DCC: variants seen among roughly 807,000 people sequenced by gnomAD.
The protein encoded by DCC is netrin receptor DCC.
Under a neutral mutation model 172.5 loss-of-function variants are expected in DCC, and 58 were observed. The observed-to-expected ratio is 0.34, with a 90% CI of 0.27 to 0.42. The LOEUF is 0.42. Among genes scored for constraint, DCC ranks in the 10% least tolerant of loss-of-function variants. The pLI is 1.00. For synonymous variants in DCC, 709 were observed against 644.5 expected (o/e 1.10, Z -1.52); for missense variants, 1,740 against 1,791.0 (o/e 0.97, Z 0.51).
chr18:53,469,496 TATATC>T (rs770632573), intron 25 of DCC, among the ~76,000 whole-genome samples: 24 of 152,316 alleles, frequency 1.6e-4, no homozygotes, highest in Non-Finnish European at 2.9e-4. Flanking sequence ...CTAATAATCT[TATATC>T]AGGAAGAAAA....
At chr18:53,237,811 C>G (rs1456196322) in intron 12 of DCC, among the ~76,000 whole-genome samples, 2 of 152,074 alleles carry the variant, frequency 1.3e-5, no homozygotes. Flanking sequence ...AAATGTCTGA[C>G]AAACCGAGCT....
At chr18:52,844,336 A>ACAGG (rs1302832344) in intron 2 of DCC, among the ~76,000 whole-genome samples, 12 of 151,908 alleles carry the variant, frequency 7.9e-5, no homozygotes, top group Non-Finnish European at 1.5e-4. Context: ...AGACAGACAG[A>ACAGG]CAGATAGATA....
chr18:53,468,342 T>TTTTATTTATTTATTTATTTATTTATTTA lies in DCC; in HGVS notation c.3736+355_3736+356insATTTATTTATTTATTTATTTATTTATTT, dbSNP rs60585459. 8.5e-4 allele frequency among the ~76,000 whole-genome samples: 111 copies of TTTTATTTATTTATTTATTTATTTATTTA among 130,994 alleles called. 1 individual carries two copies. Among genetic ancestry groups the TTTTATTTATTTATTTATTTATTTATTTA allele is most frequent in the African/African-American group, 2.6e-3 (79 of 30,720 alleles). The allele number at this position is 130,994 out of a possible 152,430, so 85.9% of individuals were successfully genotyped here. A position where few individuals can be genotyped will look rare whatever the true frequency, so the allele number is the denominator to read the frequency against. ...TCTAATAATCATCTCCATAGTTTAT[T>TTTTATTTATTTATTTATTTATTTATTTA]TTTATTTATTTATTTATTTATTTTA... On this transcript the variant is annotated intron_variant, in intron 25 of 28. Transcript: ENST00000442544.
intron 1 of DCC, among the ~76,000 whole-genome samples, chr18:52,538,243 C>T (rs1052319041): frequency 2.0e-5 from 3 of 152,148 alleles, no homozygotes; most frequent in Non-Finnish European, 4.4e-5. Context: ...CTTTCTGCTG[C>T]CTTTCTGCCT....
chr18:53,076,169 A>G (rs1272552288), intron 7 of DCC, among the ~76,000 whole-genome samples: 9 of 152,154 alleles, frequency 5.9e-5, no homozygotes, highest in African/African-American at 2.2e-4. Flanking sequence ...GACGTATGAT[A>G]CAACAAGGCA....
intron 1 of DCC, among the ~76,000 whole-genome samples, chr18:52,597,529 A>G (rs1443524254): frequency 6.6e-6 from 1 of 152,122 alleles, no homozygotes; most frequent in Non-Finnish European, 1.5e-5. Flanking sequence ...TTTCTGTTCA[A>G]CCTTCCTTTT....
At chr18:53,446,305 A>G (rs1468394006) in intron 22 of DCC, among the ~76,000 whole-genome samples, 1 of 151,990 alleles carries the variant, frequency 6.6e-6, no homozygotes, top group East Asian at 1.9e-4. Context: ...AAAAAAACAC[A>G]TTGAGCCACA....
At chr18:52,700,371 GCACA>G (rs2036102306) in intron 1 of DCC, among the ~76,000 whole-genome samples, 5 of 141,040 alleles carry the variant, frequency 3.5e-5, no homozygotes, top group Admixed American at 2.1e-4. Flanking sequence ...ACACACACAT[GCACA>G]CACATGCACA....
intron 5 of DCC, among the ~76,000 whole-genome samples, chr18:52,927,148 T>TATATACAC (rs1568192205): frequency 2.5e-5 from 1 of 40,696 alleles, no homozygotes. Context: ...TGTATATATG[T>TATATACAC]GTATATATAC....
chr18:53,137,803 TAAGC>T lies in DCC; in HGVS notation c.1262-19549_1262-19546del, dbSNP rs757461245. On this transcript the variant is annotated intron_variant, in intron 7 of 28. Transcript: ENST00000442544. The stretch of plus-strand genomic sequence containing the variant: ...TAGCAGAATGTCATTCAATTTTAAA[TAAGC>T]AAGAATAATATTACTATTTTTTTTT... 3.2e-4 allele frequency among the ~76,000 whole-genome samples: 48 copies of T among 152,210 alleles called. No individual in the cohort carries two copies. In the South Asian group the frequency reaches 5.0e-3, roughly 16 times the overall value.
chr18:53,053,250 G>A (rs1247844946), intron 5 of DCC, among the ~76,000 whole-genome samples: 1 of 152,126 alleles, frequency 6.6e-6, no homozygotes, highest in East Asian at 1.9e-4. Flanking sequence ...CGGTGTTAGT[G>A]AGAATTCTTA....
At chr18:52,742,571 C>T (rs182471504) in intron 1 of DCC, among the ~76,000 whole-genome samples, 76 of 152,230 alleles carry the variant, frequency 5.0e-4, no homozygotes, top group Non-Finnish European at 9.8e-4. Flanking sequence ...TCTTTTACAC[C>T]ACTGCTAAGC....
chr18:52,872,083 G>A (rs1437840253), intron 2 of DCC, among the ~76,000 whole-genome samples: 1 of 152,032 alleles, frequency 6.6e-6, no homozygotes. Flanking sequence ...ACTCATATAA[G>A]GCAGATTAAT....
At chr18:52,671,248 A>G (rs765889643) in intron 1 of DCC, among the ~76,000 whole-genome samples, 1 of 152,168 alleles carries the variant, frequency 6.6e-6, no homozygotes, top group Non-Finnish European at 1.5e-5. Flanking sequence ...GGAGGCTTCA[A>G]GGAACTCACG....
chr18:52,590,383 C>G (rs1214762391), intron 1 of DCC, among the ~76,000 whole-genome samples: 2 of 152,014 alleles, frequency 1.3e-5, no homozygotes, highest in Non-Finnish European at 2.9e-5. Context: ...TGAATATACG[C>G]TCAGCCAAAA....
chr18:53,168,418 A>G (rs888928935), intron 8 of DCC, among the ~76,000 whole-genome samples: 15 of 152,094 alleles, frequency 9.9e-5, no homozygotes, highest in African/African-American at 3.4e-4. Context: ...CTTTGCAGGG[A>G]CATGGATGAA....
chr18:53,029,091 A>G lies in DCC; in HGVS notation c.986-34214A>G, dbSNP rs112228832. The stretch of plus-strand genomic sequence containing the variant: ...TGTCTTTATAATTAATTCACAAAGA[A>G]GTAAACTAAAAATTACCCAAATGTG... On this transcript the variant is annotated intron_variant, in intron 5 of 28. Coordinates refer to ENST00000442544, the MANE Select transcript of DCC (RefSeq NM_005215.4). 1.9e-3 allele frequency among the ~76,000 whole-genome samples: 287 copies of G among 148,388 alleles called. 1 individual carries two copies. The highest frequency in any genetic ancestry group is 7.0e-3 in the African/African-American group (266 of 38,124).
At chr18:52,995,568 C>T (rs2041464894) in intron 5 of DCC, among the ~76,000 whole-genome samples, 1 of 151,908 alleles carries the variant, frequency 6.6e-6, no homozygotes, top group Non-Finnish European at 1.5e-5. Flanking sequence ...CTTCCATTCC[C>T]TCTCCTTACT....
rs1197941353 is a variant in DCC at position 53,459,259 on chromosome 18, A to T, written c.3420A>T (p.Lys1140Asn). The change falls in exon 24 of 29, where the codon AAA becomes AAT. Residue 1140 changes from lysine to asparagine, a missense_variant. Transcript: ENST00000442544. ...RKKRATHSAG[K>N]RKGSQKDLRP... ...AACGGGCCACCCACAGTGCTGGCAAAAGGAAGGGCAGCCAGAAGGACCTCC... is the reference window on the plus strand; with the variant it reads ...AACGGGCCACCCACAGTGCTGGCAATAGGAAGGGCAGCCAGAAGGACCTCC... 1 of 1,614,094 alleles carries T rather than the reference A, an allele frequency of 6.2e-7. No homozygotes were observed. The highest frequency in any genetic ancestry group is 1.7e-4 in the Middle Eastern group (1 of 6,060).
Sources: allele counts gnomAD v4.1 joint callset (sites outside exome capture counted in the v4.1 genomes callset), GRCh38; gene constraint gnomAD v4.1.1; transcripts MANE v1.5; gene names NCBI Gene and HGNC (gene_info 2026-07-23, HGNC 2026-07-21).